The following EPB41L3 variants were observed in gnomAD, a reference collection of about 807,000 sequenced individuals.
EPB41L3 encodes the protein band 4.1-like protein 3.
A neutral mutation model predicts 127.1 loss-of-function variants in EPB41L3; 57 were observed. The observed-to-expected ratio is 0.45, with a 90% CI of 0.36 to 0.56. The LOEUF (loss-of-function observed/expected upper bound fraction) is 0.56. Ranked by LOEUF, EPB41L3 falls within the 20% of genes least tolerant of loss-of-function variation. The probability of loss-of-function intolerance (pLI) is 0.00; values close to 1 mark genes in which losing one functional copy is unlikely to be tolerated. For synonymous variants in EPB41L3, 572 were observed against 549.5 expected, an observed-to-expected ratio of 1.04 and a Z score of -0.57; for missense variants, 1,273 against 1,372.2, an observed-to-expected ratio of 0.93 and a Z score of 1.14.
chr18:5,490,583 C>T (rs2090466145), intron 1 of EPB41L3, among the ~76,000 whole-genome samples: 1 of 151,924 alleles, frequency 6.6e-6, no homozygotes, highest in African/African-American at 2.4e-5. Context: ...CTTAGTTGCC[C>T]AAAGCATATA....
At chr18:5,476,897 G>A (rs1046247251) in intron 3 of EPB41L3, among the ~76,000 whole-genome samples, 21 of 152,090 alleles carry the variant, frequency 1.4e-4, no homozygotes, top group Non-Finnish European at 2.9e-4. Context: ...TTTTGTGCAC[G>A]GTCCTTGGGG....
intron 1 of EPB41L3, among the ~76,000 whole-genome samples, chr18:5,515,985 C>A (rs1174854801): frequency 6.6e-6 from 1 of 152,172 alleles, no homozygotes; most frequent in African/African-American, 2.4e-5. Context: ...ACTATAAAAG[C>A]TGCTAATATA....
chr18:5,441,650 G>A lies in EPB41L3; in HGVS notation c.529+2188C>T, dbSNP rs527876822. ...CCGGCTAATTTTTGTATTTTTAGTA[G>A]AGACGGGGTTTCACCGTGTCAGCCA... On this transcript the variant is annotated intron_variant, in intron 5 of 22. Transcript: ENST00000341928. Among the ~76,000 whole-genome samples, 525 of 152,196 alleles carry A rather than the reference G, an allele frequency of 3.4e-3. 1 individual carries two copies. Among genetic ancestry groups the A allele is most frequent in the Non-Finnish European group, 5.5e-3 (377 of 68,006 alleles).
chr18:5,495,593 A>G (rs1024929598), intron 1 of EPB41L3, among the ~76,000 whole-genome samples: 3 of 148,310 alleles, frequency 2.0e-5, no homozygotes, highest in Admixed American at 6.7e-5. Context: ...AGGAAAGAAC[A>G]CTTGTCTGAT....
At chr18:5,515,407 G>C (rs2092709644) in intron 1 of EPB41L3, among the ~76,000 whole-genome samples, 1 of 152,124 alleles carries the variant, frequency 6.6e-6, no homozygotes, top group African/African-American at 2.4e-5. Context: ...GGTTTGCTTT[G>C]AAATGAACTC....
chr18:5,505,075 G>A (rs1016053725), intron 1 of EPB41L3, among the ~76,000 whole-genome samples: 5 of 152,140 alleles, frequency 3.3e-5, no homozygotes, highest in Non-Finnish European at 5.9e-5. Flanking sequence ...ATCCAGTGCA[G>A]GCATATGTAT....
intron 3 of EPB41L3, among the ~76,000 whole-genome samples, chr18:5,469,066 C>T (rs1284174108): frequency 3.9e-5 from 6 of 152,344 alleles, no homozygotes; most frequent in East Asian, 3.9e-4. Flanking sequence ...CAGTTGCCCA[C>T]GTACCTCATT....
intron 14 of EPB41L3, among the ~76,000 whole-genome samples, chr18:5,408,916 T>C (rs1317394608): frequency 1.3e-5 from 2 of 152,236 alleles, no homozygotes; most frequent in African/African-American, 4.8e-5. Flanking sequence ...TGGGGCTTTA[T>C]GCCCTTGTGC....
chr18:5,407,654 CTGT>C (rs1177654916), intron 15 of EPB41L3, 44 bp downstream of exon 15: 3 of 1,587,798 alleles, frequency 1.9e-6, no homozygotes, highest in South Asian at 1.1e-5. Context: ...TTATCACACA[CTGT>C]TGTTTTGTTG....
intron 3 of EPB41L3, among the ~76,000 whole-genome samples, chr18:5,468,770 G>T (rs1229778028): frequency 6.6e-6 from 1 of 152,160 alleles, no homozygotes; most frequent in Non-Finnish European, 1.5e-5. Context: ...AAAACAATTA[G>T]CCAGGCGTGG....
intron 2 of EPB41L3, among the ~76,000 whole-genome samples, chr18:5,487,357 G>A (rs925559991): frequency 4.6e-5 from 7 of 151,218 alleles, no homozygotes; most frequent in Admixed American, 4.6e-4. Flanking sequence ...GAGGAGTGAT[G>A]AAGGGAATTT....
intron 3 of EPB41L3, among the ~76,000 whole-genome samples, chr18:5,464,245 ACAGGGATAGT>A (rs2084556658): frequency 6.6e-6 from 1 of 152,218 alleles, no homozygotes; most frequent in African/African-American, 2.4e-5. Flanking sequence ...AAATACCTCT[ACAGGGATAGT>A]CAGCTAACAT....
At chr18:5,420,117 G>A (rs1274467981) in intron 11 of EPB41L3, 24 of 727,188 alleles carry the variant, frequency 3.3e-5, no homozygotes, top group Non-Finnish European at 5.0e-5. Flanking sequence ...TTTCCTATAT[G>A]AGTGCTTTAA....
chr18:5,433,166 T>C (rs949927078), intron 8 of EPB41L3, among the ~76,000 whole-genome samples: 1 of 152,172 alleles, frequency 6.6e-6, no homozygotes, highest in Non-Finnish European at 1.5e-5. Flanking sequence ...AGTAAAAGTC[T>C]GTTATGTCAA....
intron 1 of EPB41L3, among the ~76,000 whole-genome samples, chr18:5,505,903 T>C (rs1365276094): frequency 7.4e-6 from 1 of 134,984 alleles, no homozygotes; most frequent in Non-Finnish European, 1.6e-5. Flanking sequence ...CCTCCACACC[T>C]TCACCTCCAT....
At chr18:5,624,381 G>T (rs1362419447) in intron 1 of EPB41L3, among the ~76,000 whole-genome samples, 1 of 152,160 alleles carries the variant, frequency 6.6e-6, no homozygotes, top group Non-Finnish European at 1.5e-5. Flanking sequence ...ATCACTATCA[G>T]CTAGACTCTC....
At chr18:5,593,498 A>G (rs183816721) in intron 3 of EPB41L3, among the ~76,000 whole-genome samples, 2 of 152,124 alleles carry the variant, frequency 1.3e-5, no homozygotes, top group African/African-American at 4.8e-5. Flanking sequence ...AGGTGATAGG[A>G]TATCACAAGG....
At chr18:5,522,622 A>G (rs2093041098) in intron 1 of EPB41L3, among the ~76,000 whole-genome samples, 1 of 152,236 alleles carries the variant, frequency 6.6e-6, no homozygotes, top group South Asian at 2.1e-4. Flanking sequence ...TCTTCATGCC[A>G]TAAAATTTCA....
intron 5 of EPB41L3, 95 bp downstream of exon 5, chr18:5,443,743 T>C: frequency 1.1e-6 from 1 of 920,798 alleles, no homozygotes; most frequent in Non-Finnish European, 1.7e-6. Context: ...AAAGCTTGTA[T>C]TCACACTAGC....
Sources: gnomAD v4.1 joint callset for allele counts (sites outside exome capture counted in the v4.1 genomes callset) on GRCh38, gnomAD v4.1.1 for gene constraint, MANE v1.5 for transcripts, NCBI Gene and HGNC (gene_info 2026-07-23, HGNC 2026-07-21) for gene names.